The following ARRB1 variants were observed in gnomAD, a reference collection of about 807,000 sequenced individuals.
The protein encoded by ARRB1 is beta-arrestin-1.
ARRB1 carries 21 observed loss-of-function variants against 56.8 expected under a neutral mutation model. The ratio of observed to expected loss-of-function variants is 0.37; its 90% CI spans 0.26 to 0.53. The LOEUF (loss-of-function observed/expected upper bound fraction) is 0.53. ARRB1 is among the 20% of genes least tolerant of loss of function. The pLI, the probability that ARRB1 is intolerant of heterozygous loss-of-function variation, is 0.88. For synonymous variants in ARRB1, 210 were observed against 218.6 expected (o/e 0.96, Z 0.35); for missense variants, 424 against 553.7 (o/e 0.77, Z 2.35).
At chr11:75,272,370 G>A (rs1946090669) in intron 12 of ARRB1, among the ~76,000 whole-genome samples, 1 of 152,246 alleles carries the variant, frequency 6.6e-6, no homozygotes, top group Non-Finnish European at 1.5e-5. Context: ...ACCTGAGTTA[G>A]GAGAGGAGAT....
intron 1 of ARRB1, among the ~76,000 whole-genome samples, chr11:75,291,029 C>A (rs189721919): frequency 6.6e-6 from 1 of 152,338 alleles, no homozygotes; most frequent in African/African-American, 2.4e-5. Flanking sequence ...CTATCCCAAG[C>A]ACCCAGAACA....
chr11:75,295,366 A>C (rs1946713570), intron 1 of ARRB1, among the ~76,000 whole-genome samples: 1 of 152,106 alleles, frequency 6.6e-6, no homozygotes, highest in African/African-American at 2.4e-5. Flanking sequence ...CAAGGGATGA[A>C]TCTGTTTCCC....
intron 1 of ARRB1, among the ~76,000 whole-genome samples, chr11:75,305,018 C>CTTTTTTTTTTTTTTTTTTTTTTT (rs35323331): frequency 1.8e-4 from 16 of 86,734 alleles, no homozygotes; most frequent in Admixed American, 2.7e-4. Flanking sequence ...TTCTTTCTTT[C>CTTTTTTTTTTTTTTTTTTTTTTT]TTTTTTTTTT....
chr11:75,341,560 T>C (rs1411446377), intron 1 of ARRB1, among the ~76,000 whole-genome samples: 1 of 152,156 alleles, frequency 6.6e-6, no homozygotes, highest in Non-Finnish European at 1.5e-5. Flanking sequence ...CTGAAGGTCA[T>C]GGAGCTAGCA....
At chr11:75,287,490 T>C in intron 2 of ARRB1, 115 bp from the exon 3 acceptor site, 2 of 1,020,280 alleles carry the variant, frequency 2.0e-6, no homozygotes, top group South Asian at 1.8e-5. Flanking sequence ...TCCCTAACCC[T>C]TATCAAAATC....
At chr11:75,315,271 C>A (rs926371929) in intron 1 of ARRB1, among the ~76,000 whole-genome samples, 12 of 152,144 alleles carry the variant, frequency 7.9e-5, no homozygotes, top group African/African-American at 2.7e-4. Flanking sequence ...CAACCTCCTC[C>A]TGGTGACCAC....
intron 7 of ARRB1, 94 bp from the exon 8 acceptor site, chr11:75,278,838 T>C (rs1946260238): frequency 6.7e-7 from 1 of 1,488,092 alleles, no homozygotes; most frequent in Non-Finnish European, 9.0e-7. Flanking sequence ...CTCAAGAGAC[T>C]GGCATGGCTC....
At chr11:75,330,798 A>G (rs960315049) in intron 1 of ARRB1, among the ~76,000 whole-genome samples, 10 of 152,194 alleles carry the variant, frequency 6.6e-5, no homozygotes, top group Non-Finnish European at 1.5e-5. Flanking sequence ...CATTCTAAAG[A>G]TGAAGAAACT....
chr11:75,339,392 T>C (rs1421052385), intron 1 of ARRB1, among the ~76,000 whole-genome samples: 1 of 152,230 alleles, frequency 6.6e-6, no homozygotes, highest in Non-Finnish European at 1.5e-5. Flanking sequence ...CTTTTCACCC[T>C]AGTTTTTTTG....
chr11:75,266,405 T>C, intron 15 of ARRB1, 131 bp from the exon 16 acceptor site: 1 of 718,434 alleles, frequency 1.4e-6, no homozygotes. Context: ...CTGAGGTCTC[T>C]GGCCTCTGGG....
At position 75,287,334 on chromosome 11, in the gene ARRB1, G is replaced by A. The variant is rs768558924; in HGVS notation, c.93C>T (p.Ile31=). ...YLGKRDFVDH[I]DLVDPVDGVV... is the part of the protein sequence containing the mutation. ...ACTCACCCACAGGGTCCACGAGGTC[G>A]ATGTGGTCCACAAAGTCCCGCTTTC... Residue 31 remains isoleucine, a synonymous_variant, in exon 3 of 16, where the codon ATC becomes ATT. Coordinates refer to ENST00000420843, the MANE Select transcript of ARRB1 (RefSeq NM_004041.5). The A allele has an allele frequency of 9.6e-6, 15 of 1,558,704 alleles. 1 individual carries two copies. In the South Asian group the frequency reaches 1.1e-4, roughly 11 times the overall value.
chr11:75,345,778 GCTTTCAGT>G (rs1367174447), intron 1 of ARRB1, among the ~76,000 whole-genome samples: 1 of 152,100 alleles, frequency 6.6e-6, no homozygotes, highest in Non-Finnish European at 1.5e-5. Flanking sequence ...GGGAAATATC[GCTTTCAGT>G]CTTACGATTC....
intron 8 of ARRB1, among the ~76,000 whole-genome samples, chr11:75,277,908 A>G (rs961273450): frequency 2.6e-5 from 4 of 152,262 alleles, no homozygotes; most frequent in Non-Finnish European, 5.9e-5. Flanking sequence ...TCTAAGCCTC[A>G]GGGTCTCCCT....
intron 1 of ARRB1, among the ~76,000 whole-genome samples, chr11:75,318,332 T>C (rs1482029965): frequency 6.6e-6 from 1 of 151,980 alleles, no homozygotes; most frequent in Non-Finnish European, 1.5e-5. Flanking sequence ...ATTTTTTTAT[T>C]ATTATTTGTG....
intron 1 of ARRB1, among the ~76,000 whole-genome samples, chr11:75,324,595 T>C (rs1467655613): frequency 6.6e-6 from 1 of 152,080 alleles, no homozygotes; most frequent in Non-Finnish European, 1.5e-5. Flanking sequence ...CCTGGAGGCC[T>C]GGGGAGTGTG....
chr11:75,326,191 C>G (rs1465257614), intron 1 of ARRB1, among the ~76,000 whole-genome samples: 1 of 152,164 alleles, frequency 6.6e-6, no homozygotes, highest in African/African-American at 2.4e-5. Flanking sequence ...AGGCTCCAGG[C>G]TGGGAGGAGG....
intron 1 of ARRB1, among the ~76,000 whole-genome samples, chr11:75,337,846 G>A (rs1468537624): frequency 7.8e-6 from 1 of 128,046 alleles, no homozygotes; most frequent in Admixed American, 1.0e-4. Flanking sequence ...TGTTGCCCAG[G>A]CTGGAGTGCA....
At position 75,266,190 on chromosome 11, in the gene ARRB1, G is replaced by C. The variant is rs147602750; in HGVS notation, c.1230C>G (p.Thr410=). The part of the protein sequence containing the change: ...KDDKEEEEDG[T]GSPQLNNR The stretch of plus-strand genomic sequence containing the variant: ...ATCTGTTGTTGAGCTGTGGAGAGCC[G>C]GTACCATCCTCCTCTTCCTCCTTGT... The change falls in exon 16 of 16, where the codon ACC becomes ACG. Residue 410 remains threonine, a synonymous_variant. Transcript: ENST00000420843. The C allele has an allele frequency of 1.7e-5, 28 of 1,614,180 alleles. No individual in the cohort carries two copies. In the Admixed American group the frequency reaches 4.3e-4, roughly 25 times the overall value.
chr11:75,303,775 C>A (rs1946959985), intron 1 of ARRB1: 2 of 445,800 alleles, frequency 4.5e-6, no homozygotes, highest in Admixed American at 2.4e-5. Context: ...GCACCCAGCA[C>A]ACATGTGCAT....
Sources: allele counts gnomAD v4.1 joint callset (sites outside exome capture counted in the v4.1 genomes callset), GRCh38; gene constraint gnomAD v4.1.1; transcripts MANE v1.5; gene names NCBI Gene and HGNC (gene_info 2026-07-23, HGNC 2026-07-21).